Variants in CSRNP3 observed in about 807,000 individuals in gnomAD.
The protein encoded by CSRNP3 is cysteine/serine-rich nuclear protein 3.
In CSRNP3, 12 loss-of-function variants were observed where a neutral mutation model predicts 48.0. The ratio of observed to expected loss-of-function variants is 0.25; its 90% CI spans 0.16 to 0.41. The LOEUF is 0.41. Among genes scored for constraint, CSRNP3 ranks in the 10% least tolerant of loss-of-function variants. CSRNP3 has a pLI of 1.00. For synonymous variants in CSRNP3, 263 were observed against 269.7 expected (o/e 0.98, Z 0.24); for missense variants, 580 against 724.4 (o/e 0.80, Z 2.29).
At chr2:165,632,139 A>G (rs972735784) in intron 4 of CSRNP3, among the ~76,000 whole-genome samples, 2 of 152,226 alleles carry the variant, frequency 1.3e-5, no homozygotes, top group African/African-American at 4.8e-5. Context: ...AGTGCTTAGA[A>G]TATAGCATAG....
chr2:165,667,145 AAAGGAAGG>A (rs745443280), intron 5 of CSRNP3, among the ~76,000 whole-genome samples: 6 of 148,240 alleles, frequency 4.0e-5, no homozygotes, highest in Admixed American at 1.3e-4. Context: ...GAGAGAGAGA[AAAGGAAGG>A]AAGGAAGGAA....
intron 4 of CSRNP3, among the ~76,000 whole-genome samples, chr2:165,642,753 G>T (rs957378855): frequency 1.3e-5 from 2 of 152,006 alleles, no homozygotes; most frequent in Admixed American, 1.3e-4. Flanking sequence ...GTAGAGATGG[G>T]GTTTTGCCAT....
intron 4 of CSRNP3, among the ~76,000 whole-genome samples, chr2:165,625,745 C>T (rs549076264): frequency 6.6e-6 from 1 of 151,040 alleles, no homozygotes; most frequent in African/African-American, 2.4e-5. Flanking sequence ...CCATCCTGGC[C>T]AACATGGTAA....
At chr2:165,676,085 G>A (rs1437944502) in intron 5 of CSRNP3, among the ~76,000 whole-genome samples, 1 of 152,132 alleles carries the variant, frequency 6.6e-6, no homozygotes, top group Non-Finnish European at 1.5e-5. Flanking sequence ...GAGTTTATGA[G>A]TTCCAATTAA....
intron 3 of CSRNP3, among the ~76,000 whole-genome samples, chr2:165,554,745 G>T (rs1685140700): frequency 6.6e-6 from 1 of 152,076 alleles, no homozygotes; most frequent in African/African-American, 2.4e-5. Context: ...ATTCCACCTT[G>T]CTCTCCTTTC....
At chr2:165,537,474 A>G (rs1414374913) in intron 3 of CSRNP3, among the ~76,000 whole-genome samples, 6 of 150,326 alleles carry the variant, frequency 4.0e-5, no homozygotes, top group Non-Finnish European at 8.9e-5. Context: ...AATCAATGTC[A>G]TATTATAAGT....
intron 4 of CSRNP3, among the ~76,000 whole-genome samples, chr2:165,608,729 G>A (rs1450607445): frequency 4.0e-5 from 6 of 151,398 alleles, no homozygotes; most frequent in Non-Finnish European, 7.4e-5. Context: ...TGGTTCCTTT[G>A]TGATGACTAT....
At chr2:165,552,974 G>A (rs1215679103) in intron 3 of CSRNP3, among the ~76,000 whole-genome samples, 1 of 152,140 alleles carries the variant, frequency 6.6e-6, no homozygotes, top group East Asian at 1.9e-4. Flanking sequence ...GATTACAGGT[G>A]TGAGCCAATG....
intron 4 of CSRNP3, among the ~76,000 whole-genome samples, chr2:165,602,736 A>G (rs140372015): frequency 0.017 from 2,527 of 152,252 alleles, 25 homozygotes; most frequent in Non-Finnish European, 0.024. Flanking sequence ...CTTCAAACAG[A>G]AATATCTTTT....
chr2:165,650,593 A>G (rs1016060191), intron 4 of CSRNP3, among the ~76,000 whole-genome samples: 8 of 152,240 alleles, frequency 5.3e-5, no homozygotes, highest in African/African-American at 1.9e-4. Flanking sequence ...TTTTTAAGCT[A>G]AGCTTCCTGG....
At position 165,686,459 on chromosome 2, in the gene CSRNP3, A is replaced by T. The variant is rs1395300192; in HGVS notation, c.*6706A>T. The T allele has an allele frequency of 6.6e-6, 1 of 152,052 alleles. No individual in the cohort carries two copies. The highest frequency in any genetic ancestry group is 1.5e-5 in the Non-Finnish European group (1 of 67,982). 9.4% of individuals were successfully genotyped at this position (152,052 alleles called of 1,614,324 possible). ...ATTAAAAAAGCCACCCCTCTTTAAAACAAATTTAAAGATCTATATACATTT... is the reference window on the plus strand; with the variant it reads ...ATTAAAAAAGCCACCCCTCTTTAAATCAAATTTAAAGATCTATATACATTT... On this transcript the variant is annotated 3_prime_UTR_variant, in exon 7 of 7. Coordinates refer to ENST00000651982, the MANE Select transcript of CSRNP3 (RefSeq NM_001172173.2).
At chr2:165,508,907 T>C (rs926410473) in intron 2 of CSRNP3, among the ~76,000 whole-genome samples, 1 of 152,208 alleles carries the variant, frequency 6.6e-6, no homozygotes, top group Non-Finnish European at 1.5e-5. Flanking sequence ...AAAAAGGCTA[T>C]AATATATATT....
At chr2:165,670,504 TAG>T (rs1203537736) in intron 5 of CSRNP3, among the ~76,000 whole-genome samples, 1 of 152,220 alleles carries the variant, frequency 6.6e-6, no homozygotes, top group African/African-American at 2.4e-5. Context: ...GCACAAGCTG[TAG>T]AGTCACATAG....
chr2:165,679,681 G>A lies in CSRNP3; in HGVS notation c.1686G>A (p.Leu562=), dbSNP rs754404268. 2.5e-6 allele frequency: 4 copies of A among 1,614,086 alleles called. No homozygotes were observed. The highest frequency in any genetic ancestry group is 1.1e-5 in the South Asian group (1 of 91,082). ...CAGAGCATCCTGCTGAAAATTCTTT[G>A]AGCCTTGCAGAAAAGAGCATATTGC... ...HISEHPAENS[L]SLAEKSILHE... is the part of the protein sequence containing the mutation. Residue 562 remains leucine (L), a synonymous_variant, in exon 7 of 7, where the codon TTG becomes TTA. Transcript: ENST00000651982.
chr2:165,470,305 T>G (rs1683876583), intron 1 of CSRNP3, among the ~76,000 whole-genome samples: 2 of 152,160 alleles, frequency 1.3e-5, no homozygotes, highest in African/African-American at 4.8e-5. Context: ...CTCCTCTTGA[T>G]AAATCTCATG....
chr2:165,625,635 AAAAAAG>A lies in CSRNP3; in HGVS notation c.148+30427_148+30432del, dbSNP rs911317754. 2.3e-4 allele frequency among the ~76,000 whole-genome samples: 34 copies of A among 145,552 alleles called. No homozygotes were observed. The South Asian group carries it at 4.4e-3, about 19-fold the overall frequency. ...AGCAACAGAGTGAGATTCTGTCAAAAAAAAAGAAAAGAAAAAAGAAACGAAAAATAT... is the reference window on the plus strand; with the variant it reads ...AGCAACAGAGTGAGATTCTGTCAAAAAAAAGAAAAAAGAAACGAAAAATAT... On this transcript the variant is annotated intron_variant, in intron 4 of 6. Coordinates refer to ENST00000651982, the MANE Select transcript of CSRNP3 (RefSeq NM_001172173.2).
At chr2:165,589,579 A>G (rs990173644) in intron 3 of CSRNP3, among the ~76,000 whole-genome samples, 1 of 152,174 alleles carries the variant, frequency 6.6e-6, no homozygotes, top group Admixed American at 6.5e-5. Flanking sequence ...ACAGTTCCTC[A>G]CTTCCTTTGA....
At chr2:165,478,075 T>TA (rs988997558) in intron 1 of CSRNP3, among the ~76,000 whole-genome samples, 6 of 151,572 alleles carry the variant, frequency 4.0e-5, no homozygotes, top group Admixed American at 1.3e-4. Flanking sequence ...AAAGAAAGGT[T>TA]AAAAAAAAGG....
At chr2:165,596,135 A>AT (rs11317294) in intron 4 of CSRNP3, among the ~76,000 whole-genome samples, 9,730 of 120,440 alleles carry the variant, frequency 0.081, 927 homozygotes, top group African/African-American at 0.24. Flanking sequence ...TTTCTTTTTG[A>AT]TTTTTTTTTT....
Sources: allele counts gnomAD v4.1 joint callset (sites outside exome capture counted in the v4.1 genomes callset), GRCh38; gene constraint gnomAD v4.1.1; transcripts MANE v1.5; gene names NCBI Gene and HGNC (gene_info 2026-07-23, HGNC 2026-07-21).